The following TMEM116 variants were observed in gnomAD, a reference collection of about 807,000 sequenced individuals.
The protein encoded by TMEM116 is transmembrane protein 116.
TMEM116 carries 38 observed loss-of-function variants against 44.3 expected under a neutral mutation model. The observed-to-expected ratio is 0.86, with a 90% CI of 0.66 to 1.12. The LOEUF (loss-of-function observed/expected upper bound fraction) is 1.12. TMEM116 is among the 50% of genes most tolerant of loss of function. The pLI, the probability that TMEM116 is intolerant of heterozygous loss-of-function variation, is 0.00. For missense variants in TMEM116, 354 were observed against 401.7 expected, an observed-to-expected ratio of 0.88 and a Z score of 1.01; for synonymous variants, 132 against 144.8, an observed-to-expected ratio of 0.91 and a Z score of 0.64.
chr12:112,001,176 G>A (rs1023278075), intron 3 of TMEM116, among the ~76,000 whole-genome samples: 2 of 152,180 alleles, frequency 1.3e-5, no homozygotes, highest in African/African-American at 2.4e-5. Flanking sequence ...AAAGAGTCAC[G>A]TCCTAAGCCA....
chr12:111,947,899 GT>G (rs1316967112), intron 4 of TMEM116, among the ~76,000 whole-genome samples: 4 of 152,088 alleles, frequency 2.6e-5, no homozygotes, highest in Non-Finnish European at 5.9e-5. Flanking sequence ...TAAAAGTAAT[GT>G]TTTTATGACT....
intron 4 of TMEM116, among the ~76,000 whole-genome samples, chr12:111,976,940 A>G (rs920980016): frequency 2.0e-5 from 3 of 152,194 alleles, no homozygotes; most frequent in African/African-American, 7.2e-5. Flanking sequence ...AGAATTAGGA[A>G]CAGAATGTCA....
At chr12:111,935,613 CGTGTGTGTGTGTGTGTGTGTGTGTGTGT>C (rs35906022) in intron 8 of TMEM116, 7 of 120,298 alleles carry the variant, frequency 5.8e-5, no homozygotes, top group Non-Finnish European at 8.3e-5. Context: ...TGAGCCATCT[CGTGTGTGTGTGTGTGTGTGTGTGTGTGT>C]GTGTGTGTGT....
chr12:111,941,265 A>C (rs910058841), intron 5 of TMEM116, among the ~76,000 whole-genome samples: 1 of 151,930 alleles, frequency 6.6e-6, no homozygotes, highest in Non-Finnish European at 1.5e-5. Flanking sequence ...AATCCTAGCT[A>C]CTTGGGGGGC....
At chr12:111,964,553 T>TTTC (rs1473611894) in intron 4 of TMEM116, among the ~76,000 whole-genome samples, 1 of 152,112 alleles carries the variant, frequency 6.6e-6, no homozygotes, top group African/African-American at 2.4e-5. Context: ...ATCCTCAAGG[T>TTTC]TTCTACACGA....
chr12:111,955,872 G>A (rs532753054), intron 4 of TMEM116, among the ~76,000 whole-genome samples: 1 of 152,286 alleles, frequency 6.6e-6, no homozygotes, highest in East Asian at 1.9e-4. Flanking sequence ...CCTAGGAGCT[G>A]TAGGCTATAC....
chr12:111,989,477 G>C (rs1362216288), intron 4 of TMEM116, among the ~76,000 whole-genome samples: 1 of 152,212 alleles, frequency 6.6e-6, no homozygotes, highest in East Asian at 1.9e-4. Context: ...AAGGCTTATA[G>C]AACTAAATTG....
chr12:111,942,293 C>T lies in TMEM116; in HGVS notation c.315+972G>A, dbSNP rs542385302. On this transcript the variant is annotated intron_variant, in intron 5 of 10. Coordinates refer to ENST00000552374, the MANE Select transcript of TMEM116 (RefSeq NM_001193531.2). ...TTTGTTTTGTTTTGTTTTTTTGAGA[C>T]GGAGTCTCTCTCTGTCGCCCAGGCT... Among the ~76,000 whole-genome samples, 32 of 147,300 alleles carry T rather than the reference C, an allele frequency of 2.2e-4. No homozygotes were observed. The East Asian group carries it at 5.2e-3, about 24-fold the overall frequency.
intron 4 of TMEM116, among the ~76,000 whole-genome samples, chr12:111,965,175 T>C (rs1026597515): frequency 6.6e-6 from 1 of 152,074 alleles, no homozygotes; most frequent in Non-Finnish European, 1.5e-5. Context: ...AGGCCCCAGC[T>C]CCTCCTACCC....
In TMEM116 at chr12:111,938,160, C is replaced by T. The variant is rs1344115832; in HGVS notation, c.365+1G>A. 3 of 1,594,722 alleles carry T rather than the reference C, an allele frequency of 1.9e-6. No individual in the cohort carries two copies. The highest frequency in any genetic ancestry group is 1.4e-5 in the African/African-American group (1 of 73,856). ...GCTAAGAAGTAAAGAAAAAATTTTA[C>T]CTTGAGAAAACAAAGGCCATTTGAC... On this transcript the variant is annotated splice_donor_variant, in intron 6 of 10. Coordinates refer to ENST00000552374, the MANE Select transcript of TMEM116 (RefSeq NM_001193531.2). LOFTEE classifies it high-confidence loss of function.
chr12:111,945,829 C>T (rs1030983397), intron 4 of TMEM116, among the ~76,000 whole-genome samples: 5 of 152,132 alleles, frequency 3.3e-5, no homozygotes, highest in Admixed American at 3.3e-4. Context: ...AAGAGATATG[C>T]ATTCAGTAGA....
chr12:112,001,073 ATC>A (rs1214009579), intron 3 of TMEM116: 2 of 182,862 alleles, frequency 1.1e-5, no homozygotes, highest in African/African-American at 4.7e-5. Flanking sequence ...TTTCCTCTCT[ATC>A]TGTCTTTAAT....
rs912615264 is a variant in TMEM116 at position 111,993,105 on chromosome 12, C to T, written c.79-1216G>A. ...CAGCGGTCCCACAAGACCCGCAAGG[C>T]CCCCCCACTGCTCTCTTAACCTGGC... On this transcript the variant is annotated intron_variant, in intron 3 of 10. Transcript: ENST00000552374. 4.3e-5 allele frequency: 9 copies of T among 209,080 alleles called. No individual in the cohort carries two copies. In the South Asian group the frequency reaches 4.6e-4, roughly 11 times the overall value. The allele number at this position is 209,080 out of a possible 1,614,324, so 13.0% of individuals were successfully genotyped here. A position where few individuals can be genotyped will look rare whatever the true frequency, so the allele number is the denominator to read the frequency against.
intron 2 of TMEM116, 36 bp from the exon 3 acceptor site, chr12:112,003,899 G>A: frequency 6.9e-7 from 1 of 1,449,298 alleles, no homozygotes; most frequent in Non-Finnish European, 9.0e-7. Flanking sequence ...CATTAAAGCA[G>A]GACAATGGAG....
intron 4 of TMEM116, among the ~76,000 whole-genome samples, chr12:111,973,442 T>A (rs992530576): frequency 6.6e-6 from 1 of 152,064 alleles, no homozygotes; most frequent in Non-Finnish European, 1.5e-5. Context: ...AGTCCAGGAG[T>A]GTGAGTCCAG....
chr12:112,001,503 TG>T (rs1304155388), intron 3 of TMEM116, among the ~76,000 whole-genome samples: 21 of 152,346 alleles, frequency 1.4e-4, no homozygotes, highest in South Asian at 4.1e-4. Context: ...AAGAAATTTT[TG>T]GTTGTCACAA....
At chr12:111,984,239 T>C (rs1435880883) in intron 4 of TMEM116, among the ~76,000 whole-genome samples, 1 of 151,776 alleles carries the variant, frequency 6.6e-6, no homozygotes, top group Non-Finnish European at 1.5e-5. Context: ...TATTCAGCCA[T>C]AAAAAAAATG....
chr12:111,981,772 C>G (rs979167884), intron 4 of TMEM116, among the ~76,000 whole-genome samples: 1 of 152,072 alleles, frequency 6.6e-6, no homozygotes, highest in Non-Finnish European at 1.5e-5. Context: ...CCAAGATATG[C>G]AATCAACCTA....
At chr12:111,990,524 CAT>C (rs1001617011) in intron 4 of TMEM116, among the ~76,000 whole-genome samples, 1 of 152,176 alleles carries the variant, frequency 6.6e-6, no homozygotes, top group African/African-American at 2.4e-5. Context: ...ATTTTAAACT[CAT>C]ATGAGATCGG....
Sources: gnomAD v4.1 joint callset for allele counts (sites outside exome capture counted in the v4.1 genomes callset) on GRCh38, gnomAD v4.1.1 for gene constraint, MANE v1.5 for transcripts, NCBI Gene and HGNC (gene_info 2026-07-23, HGNC 2026-07-21) for gene names.